The following OLFM2 variants were observed in gnomAD, a reference collection of about 807,000 sequenced individuals.
OLFM2 encodes noelin-2.
Under a neutral mutation model 43.9 loss-of-function variants are expected in OLFM2, and 20 were observed. The observed-to-expected ratio is 0.46, with a 90% CI of 0.32 to 0.66. The LOEUF is 0.66. OLFM2 is among the 30% of genes least tolerant of loss of function. The pLI, the probability that OLFM2 is intolerant of heterozygous loss-of-function variation, is 0.04. For missense variants in OLFM2, 416 were observed against 643.6 expected (o/e 0.65, Z 3.83); for synonymous variants, 268 against 278.6 (o/e 0.96, Z 0.38).
intron 1 of OLFM2, among the ~76,000 whole-genome samples, chr19:9,863,467 G>C (rs983104051): frequency 1.1e-4 from 17 of 152,140 alleles, no homozygotes; most frequent in African/African-American, 4.1e-4. Context: ...GACAGGTGAT[G>C]ATGGGTGGTG....
At chr19:9,913,802 C>G in intron 1 of OLFM2, 1 of 462,528 alleles carries the variant, frequency 2.2e-6, no homozygotes, top group Non-Finnish European at 2.9e-6. Flanking sequence ...GGCTGCGGCT[C>G]GGCGCGCCTG....
At chr19:9,934,322 T>G (rs567177490) in intron 1 of OLFM2, among the ~76,000 whole-genome samples, 5 of 151,996 alleles carry the variant, frequency 3.3e-5, no homozygotes, top group African/African-American at 9.7e-5. Flanking sequence ...CCCTAACGGA[T>G]TACCTCATTT....
intron 1 of OLFM2, among the ~76,000 whole-genome samples, chr19:9,899,859 C>G (rs2046716046): frequency 6.6e-6 from 1 of 151,710 alleles, no homozygotes; most frequent in South Asian, 2.1e-4. Context: ...ACCCGCCCCA[C>G]CCCCGCCGGA....
rs78927057 is a variant in OLFM2 at position 9,931,085 on chromosome 19, A to C, written c.63+5219T>G. Among the ~76,000 whole-genome samples, 35 of 152,008 alleles carry C rather than the reference A, an allele frequency of 2.3e-4. 1 individual carries two copies. The South Asian group carries it at 6.9e-3, about 30-fold the overall frequency. ...GCTCCATAATCTTAAATCCAGCCCCAAGGGGCTCTTTCCTACACTAACTCG... is the reference window on the plus strand; with the variant it reads ...GCTCCATAATCTTAAATCCAGCCCCCAGGGGCTCTTTCCTACACTAACTCG... On this transcript the variant is annotated intron_variant, in intron 1 of 5. Coordinates refer to ENST00000264833, the MANE Select transcript of OLFM2 (RefSeq NM_058164.4).
chr19:9,866,735 T>G (rs999792106), intron 1 of OLFM2, among the ~76,000 whole-genome samples: 1 of 151,970 alleles, frequency 6.6e-6, no homozygotes, highest in African/African-American at 2.4e-5. Flanking sequence ...GCTAAAGTGA[T>G]CCACCCGCCT....
chr19:9,920,723 CTG>C, intron 1 of OLFM2, among the ~76,000 whole-genome samples: 1 of 144,812 alleles, frequency 6.9e-6, no homozygotes, highest in Non-Finnish European at 1.5e-5. Flanking sequence ...TGGCAAAACT[CTG>C]TGTCTACTAA....
chr19:9,905,483 C>CA (rs1045229571), intron 1 of OLFM2, among the ~76,000 whole-genome samples: 8 of 151,086 alleles, frequency 5.3e-5, no homozygotes, highest in African/African-American at 1.5e-4. Flanking sequence ...AAATAAAATA[C>CA]AAAAAAAATT....
chr19:9,931,465 G>A (rs1377374760), intron 1 of OLFM2, among the ~76,000 whole-genome samples: 1 of 152,070 alleles, frequency 6.6e-6, no homozygotes, highest in Non-Finnish European at 1.5e-5. Context: ...CAGTTTAGGA[G>A]GCCGAGGCAG....
At chr19:9,877,899 C>T (rs1019541960) in intron 1 of OLFM2, among the ~76,000 whole-genome samples, 15 of 152,022 alleles carry the variant, frequency 9.9e-5, no homozygotes, top group Admixed American at 1.3e-4. Context: ...GTTGCCCAGG[C>T]TGGAGTGCAA....
At chr19:9,931,424 C>T (rs577425786) in intron 1 of OLFM2, among the ~76,000 whole-genome samples, 14 of 152,064 alleles carry the variant, frequency 9.2e-5, no homozygotes, top group South Asian at 4.2e-4. Context: ...CTGCAGAGGC[C>T]GGGCACGGTG....
chr19:9,882,614 T>C (rs914435057), intron 1 of OLFM2, among the ~76,000 whole-genome samples: 5 of 147,146 alleles, frequency 3.4e-5, no homozygotes, highest in South Asian at 2.2e-4. Flanking sequence ...GTGAGTGGGG[T>C]AGGAATGTGG....
chr19:9,906,228 A>G (rs534444546), intron 1 of OLFM2, among the ~76,000 whole-genome samples: 3 of 152,148 alleles, frequency 2.0e-5, no homozygotes, highest in African/African-American at 4.8e-5. Context: ...TTAAACATCG[A>G]GACACTGTCT....
intron 1 of OLFM2, among the ~76,000 whole-genome samples, chr19:9,931,625 C>T (rs1326885633): frequency 6.8e-6 from 1 of 147,514 alleles, no homozygotes. Context: ...CTCTTGAGCC[C>T]GGGAGGCAGA....
chr19:9,870,439 G>A (rs114288527), intron 1 of OLFM2, among the ~76,000 whole-genome samples: 2,234 of 152,214 alleles, frequency 0.015, 67 homozygotes, highest in African/African-American at 0.051. Context: ...GTCCCCACGC[G>A]GCCCAGCTGG....
rs2046325040 is a variant in OLFM2, at chr19:9,857,066, AGT to A, written c.581-155_581-154del. 1 of 819,874 alleles carries A rather than the reference AGT, an allele frequency of 1.2e-6. No individual in the cohort carries two copies. The highest frequency in any genetic ancestry group is 2.0e-6 in the Non-Finnish European group (1 of 500,678). 50.8% of individuals were successfully genotyped at this position (819,874 alleles called of 1,614,324 possible). ...GGTCCCAATATGTTGTTCAGTTGTG[AGT>A]GAGGGGTTAGAGGCCAAGGGTCAGG... On this transcript the variant is annotated intron_variant, in intron 4 of 5. Coordinates refer to ENST00000264833, the MANE Select transcript of OLFM2 (RefSeq NM_058164.4). This position sits in a 1 kb window ranked among gnomAD's most constrained non-coding sequence, Gnocchi z 5.7.
intron 1 of OLFM2, among the ~76,000 whole-genome samples, chr19:9,915,636 G>C (rs993254933): frequency 6.6e-6 from 1 of 152,028 alleles, no homozygotes; most frequent in African/African-American, 2.4e-5. Context: ...TCCTGCCTTA[G>C]CCTCCCGAGT....
intron 1 of OLFM2, among the ~76,000 whole-genome samples, chr19:9,888,280 T>C (rs892900103): frequency 3.9e-5 from 6 of 151,988 alleles, no homozygotes; most frequent in African/African-American, 1.4e-4. Flanking sequence ...CCCAGCACTT[T>C]GGGAGGCTGA....
intron 1 of OLFM2, among the ~76,000 whole-genome samples, chr19:9,894,341 C>T (rs1478891981): frequency 3.3e-5 from 5 of 149,626 alleles, no homozygotes; most frequent in Non-Finnish European, 5.9e-5. Context: ...GGTGTCACTG[C>T]ACTCCAGCCT....
chr19:9,880,674 A>G (rs916974682), intron 1 of OLFM2, among the ~76,000 whole-genome samples: 2 of 152,172 alleles, frequency 1.3e-5, no homozygotes, highest in East Asian at 3.8e-4. Flanking sequence ...GTGAAGATAC[A>G]GTAAGAAGGT....
Sources: allele counts gnomAD v4.1 joint callset (sites outside exome capture counted in the v4.1 genomes callset), GRCh38; gene constraint gnomAD v4.1.1; non-coding constraint Gnocchi (gnomAD v3.1); transcripts MANE v1.5; gene names NCBI Gene and HGNC (gene_info 2026-07-23, HGNC 2026-07-21).